Variants in RECK observed in about 807,000 individuals in gnomAD.
The protein encoded by RECK is reversion-inducing cysteine-rich protein with Kazal motifs.
Under a neutral mutation model 115.1 loss-of-function variants are expected in RECK, and 69 were observed. The observed-to-expected ratio is 0.60, with a 90% CI of 0.49 to 0.73. The LOEUF (loss-of-function observed/expected upper bound fraction) is 0.73. Among genes scored for constraint, RECK ranks in the 30% least tolerant of loss-of-function variants. The pLI, the probability that RECK is intolerant of heterozygous loss-of-function variation, is 0.00. For synonymous variants in RECK, 414 were observed against 419.7 expected (o/e 0.99, Z 0.17); for missense variants, 1,047 against 1,203.7 (o/e 0.87, Z 1.93).
chr9:36,044,921 T>A (rs914234297), intron 1 of RECK, among the ~76,000 whole-genome samples: 1 of 152,096 alleles, frequency 6.6e-6, no homozygotes, highest in Non-Finnish European at 1.5e-5. Flanking sequence ...TGTAGGACCT[T>A]GATTAGAAGA....
At chr9:36,090,221 C>A (rs1323873980) in intron 9 of RECK, among the ~76,000 whole-genome samples, 1 of 152,006 alleles carries the variant, frequency 6.6e-6, no homozygotes, top group African/African-American at 2.4e-5. Context: ...GATCGAGGTA[C>A]CTGATGTAAC....
rs759580870 is a variant in RECK, at chr9:36,048,754, C to T, written c.101-3511C>T. ...CTAAACACAGTGCCTCTTTTAAAAC[C>T]CACATGCCCTTCCAGGAACCACCTC... On this transcript the variant is annotated intron_variant, in intron 1 of 20. Transcript: ENST00000377966. Among the ~76,000 whole-genome samples the T allele has an allele frequency of 2.0e-5, 3 of 152,148 alleles. No individual in the cohort carries two copies. The South Asian group carries it at 6.2e-4, about 32-fold the overall frequency.
intron 10 of RECK, among the ~76,000 whole-genome samples, chr9:36,099,794 C>T (rs972014199): frequency 1.3e-5 from 2 of 151,978 alleles, no homozygotes; most frequent in African/African-American, 4.8e-5. Flanking sequence ...CTAGAACAGG[C>T]GAAATTAATC....
At chr9:36,116,505 G>T (rs1343753162) in intron 16 of RECK, among the ~76,000 whole-genome samples, 1 of 152,172 alleles carries the variant, frequency 6.6e-6, no homozygotes, top group Non-Finnish European at 1.5e-5. Flanking sequence ...GTTACTGAAT[G>T]CAAGGGCCTC....
At chr9:36,112,244 G>A in intron 15 of RECK, 61 bp from the exon 16 acceptor site, 1 of 1,534,062 alleles carries the variant, frequency 6.5e-7, no homozygotes, top group Non-Finnish European at 9.0e-7. Flanking sequence ...CCTTAACAAG[G>A]AAATATAAGG....
At chr9:36,116,193 A>G (rs559172178) in intron 16 of RECK, among the ~76,000 whole-genome samples, 7 of 144,586 alleles carry the variant, frequency 4.8e-5, no homozygotes, top group African/African-American at 1.0e-4. Context: ...CAATGGCGCG[A>G]TATCAGCTCA....
At chr9:36,106,628 A>G (rs1479279183) in intron 13 of RECK, among the ~76,000 whole-genome samples, 1 of 152,066 alleles carries the variant, frequency 6.6e-6, no homozygotes, top group Non-Finnish European at 1.5e-5. Flanking sequence ...ATACTGTAAT[A>G]TATCGGCTAT....
At chr9:36,103,448 A>C (rs1823640843) in intron 12 of RECK, among the ~76,000 whole-genome samples, 1 of 152,322 alleles carries the variant, frequency 6.6e-6, no homozygotes, top group African/African-American at 2.4e-5. Flanking sequence ...TTGGAGTTCT[A>C]ACCACCATAA....
intron 18 of RECK, among the ~76,000 whole-genome samples, chr9:36,120,241 A>G (rs951911733): frequency 6.6e-6 from 1 of 152,154 alleles, no homozygotes; most frequent in African/African-American, 2.4e-5. Flanking sequence ...TCTCAAAAAA[A>G]AAAAAAATTA....
chr9:36,067,330 T>G (rs1564110020), intron 6 of RECK, among the ~76,000 whole-genome samples: 1 of 152,166 alleles, frequency 6.6e-6, no homozygotes, highest in African/African-American at 2.4e-5. Flanking sequence ...AACTTGTAGA[T>G]GTATGAGCCA....
chr9:36,110,768 T>G (rs973757752), intron 15 of RECK, among the ~76,000 whole-genome samples: 1 of 151,944 alleles, frequency 6.6e-6, no homozygotes, highest in African/African-American at 2.4e-5. Context: ...TTGATTCTTC[T>G]TTCCCCAGAA....
intron 13 of RECK, among the ~76,000 whole-genome samples, chr9:36,105,590 A>G (rs1337749270): frequency 2.0e-5 from 3 of 152,232 alleles, no homozygotes; most frequent in Non-Finnish European, 4.4e-5. Flanking sequence ...GTTCTAGACT[A>G]TGAAAGAAAA....
chr9:36,069,356 A>G (rs1183553087), intron 6 of RECK, among the ~76,000 whole-genome samples: 2 of 151,986 alleles, frequency 1.3e-5, no homozygotes, highest in East Asian at 1.9e-4. Flanking sequence ...CTTGGCTAAC[A>G]TGATGAAACC....
chr9:36,116,072 C>A (rs1824246913), intron 16 of RECK, among the ~76,000 whole-genome samples: 1 of 150,556 alleles, frequency 6.6e-6, no homozygotes, highest in South Asian at 2.1e-4. Context: ...GGTATCAGAT[C>A]CTCGGTCTTG....
At chr9:36,053,598 C>A (rs1205409375) in intron 2 of RECK, among the ~76,000 whole-genome samples, 1 of 152,076 alleles carries the variant, frequency 6.6e-6, no homozygotes, top group African/African-American at 2.4e-5. Context: ...AAAAATGGCC[C>A]CTTGATGATA....
At chr9:36,056,008 T>C (rs907713979) in intron 2 of RECK, among the ~76,000 whole-genome samples, 9 of 152,298 alleles carry the variant, frequency 5.9e-5, no homozygotes, top group African/African-American at 1.9e-4. Flanking sequence ...TCTTTCACTC[T>C]TCCTTTTGTC....
intron 4 of RECK, among the ~76,000 whole-genome samples, chr9:36,061,437 C>CAG (rs1554703635): frequency 6.7e-6 from 1 of 149,998 alleles, no homozygotes; most frequent in Non-Finnish European, 1.5e-5. Flanking sequence ...CACACACACA[C>CAG]AGTTGCTAAC....
rs144037912 is a variant in RECK, at chr9:36,100,391, G to T, written c.1146G>T (p.Met382Ile). The T allele has an allele frequency of 6.2e-7, 1 of 1,614,174 alleles. No individual in the cohort carries two copies. The change falls in exon 11 of 21, where the codon ATG (methionine) becomes ATT (isoleucine). Residue 382 changes from methionine to isoleucine, a missense_variant. Coordinates refer to ENST00000377966, the MANE Select transcript of RECK (RefSeq NM_021111.3). ...AQSDQGAMNDMKLWEKGSIKM... is the reference protein window; with the variant it reads ...AQSDQGAMNDIKLWEKGSIKM... ...CAGATCAAGGAGCCATGAATGACAT[G>T]AAGTTGTGGGAGAAAGGAAGCATAA...
chr9:36,051,360 A>C (rs1459947727), intron 1 of RECK, among the ~76,000 whole-genome samples: 1 of 152,176 alleles, frequency 6.6e-6, no homozygotes, highest in Non-Finnish European at 1.5e-5. Context: ...TCTTTGTATA[A>C]TTACTACTTT....
Sources: gnomAD v4.1 joint callset for allele counts (sites outside exome capture counted in the v4.1 genomes callset) on GRCh38, gnomAD v4.1.1 for gene constraint, MANE v1.5 for transcripts, NCBI Gene and HGNC (gene_info 2026-07-23, HGNC 2026-07-21) for gene names.